The following DPP6 variants were observed in gnomAD, a reference collection of about 807,000 sequenced individuals.
DPP6 encodes the protein A-type potassium channel modulatory protein DPP6.
Under a neutral mutation model 122.6 loss-of-function variants are expected in DPP6, and 69 were observed. The ratio of observed to expected loss-of-function variants is 0.56; its 90% confidence interval spans 0.46 to 0.69. The LOEUF is 0.69. Among genes scored for constraint, DPP6 ranks in the 30% least tolerant of loss-of-function variants. The pLI is 0.00. For missense variants in DPP6, 928 were observed against 1,116.9 expected, an observed-to-expected ratio of 0.83 and a Z score of 2.41; for synonymous variants, 418 against 433.1, an observed-to-expected ratio of 0.97 and a Z score of 0.43.
chr7:154,173,667 G>A (rs571316369), intron 1 of DPP6, among the ~76,000 whole-genome samples: 2 of 152,190 alleles, frequency 1.3e-5, no homozygotes, highest in Admixed American at 6.5e-5. Flanking sequence ...TGCATCTGAG[G>A]GACTCCTCTG....
upstream of DPP6, among the ~76,000 whole-genome samples, chr7:153,884,991 T>A (rs256894): frequency 6.8e-5 from 2 of 29,198 alleles, no homozygotes; most frequent in South Asian, 1.5e-3. Flanking sequence ...AACAAAAATA[T>A]ATATATATAT....
chr7:154,740,215 C>G (rs774360821), intron 8 of DPP6, among the ~76,000 whole-genome samples: 7 of 152,002 alleles, frequency 4.6e-5, no homozygotes, highest in Non-Finnish European at 7.4e-5. Flanking sequence ...AGGACAAACA[C>G]ACTTTTACCT....
intron 5 of DPP6, chr7:154,587,456 C>A: frequency 1.6e-6 from 1 of 636,010 alleles, no homozygotes; most frequent in Non-Finnish European, 2.7e-6. Flanking sequence ...ACACAGCCTG[C>A]AGCTAAGCAT....
intron 1 of DPP6, among the ~76,000 whole-genome samples, chr7:154,376,775 A>G (rs1253543996): frequency 2.0e-5 from 3 of 152,212 alleles, no homozygotes; most frequent in Non-Finnish European, 4.4e-5. Context: ...ATTAAGTCAA[A>G]GAACTTCTGC....
At chr7:154,117,531 G>A (rs1807079539) in intron 1 of DPP6, among the ~76,000 whole-genome samples, 2 of 152,136 alleles carry the variant, frequency 1.3e-5, no homozygotes, top group Non-Finnish European at 2.9e-5. Context: ...ACAATGCGAT[G>A]CAGATTTCTT....
At chr7:154,142,462 C>A (rs1321686278) in intron 1 of DPP6, among the ~76,000 whole-genome samples, 1 of 152,118 alleles carries the variant, frequency 6.6e-6, no homozygotes, top group Non-Finnish European at 1.5e-5. Flanking sequence ...AATGTGAAGA[C>A]AATAAACAAC....
intron 11 of DPP6, among the ~76,000 whole-genome samples, chr7:154,794,995 A>AGATC (rs1797952594): frequency 6.6e-6 from 1 of 152,158 alleles, no homozygotes; most frequent in African/African-American, 2.4e-5. Context: ...GCTGTGCCTG[A>AGATC]GATCCTAAGC....
At chr7:154,017,719 T>TAAAAAAAAAAAA (rs1365239601) in intron 1 of DPP6, among the ~76,000 whole-genome samples, 1 of 83,722 alleles carries the variant, frequency 1.2e-5, no homozygotes, top group Non-Finnish European at 2.4e-5. Flanking sequence ...AAAAAAAAAA[T>TAAAAAAAAAAAA]AAAAAAATAA....
At chr7:154,247,693 T>TGAA in intron 1 of DPP6, among the ~76,000 whole-genome samples, 1 of 152,312 alleles carries the variant, frequency 6.6e-6, no homozygotes, top group East Asian at 1.9e-4. Flanking sequence ...GATAATTGTT[T>TGAA]GAAAGTTTCT....
chr7:154,867,475 C>A (rs1220754068), intron 17 of DPP6, among the ~76,000 whole-genome samples: 1 of 152,228 alleles, frequency 6.6e-6, no homozygotes, highest in Non-Finnish European at 1.5e-5. Flanking sequence ...CAAATACAGT[C>A]ACCGAAGTTA....
chr7:154,304,106 G>GTA (rs1806094278), intron 1 of DPP6, among the ~76,000 whole-genome samples: 1 of 152,192 alleles, frequency 6.6e-6, no homozygotes, highest in Non-Finnish European at 1.5e-5. Flanking sequence ...AGAGTTCCCC[G>GTA]TATATATAAA....
intron 1 of DPP6, among the ~76,000 whole-genome samples, chr7:154,154,745 C>A (rs2150693742): frequency 6.6e-6 from 1 of 152,276 alleles, no homozygotes; most frequent in South Asian, 2.1e-4. Context: ...TATGAGATTT[C>A]TTTTTAAAAG....
chr7:154,570,953 G>A (rs562050852), intron 5 of DPP6, among the ~76,000 whole-genome samples: 168 of 152,200 alleles, frequency 1.1e-3, no homozygotes, highest in African/African-American at 3.8e-3. Context: ...GTATTTATGT[G>A]GCACCAGCAT....
intron 7 of DPP6, among the ~76,000 whole-genome samples, chr7:154,708,783 C>A (rs539537403): frequency 2.6e-5 from 4 of 152,324 alleles, no homozygotes; most frequent in African/African-American, 9.6e-5. Context: ...TGTGGTGGCT[C>A]ATGCCTGTAA....
At chr7:154,506,619 T>C (rs1404848636) in intron 3 of DPP6, among the ~76,000 whole-genome samples, 1 of 152,188 alleles carries the variant, frequency 6.6e-6, no homozygotes, top group African/African-American at 2.4e-5. Context: ...ATTAAGTTCC[T>C]CCAAATAACC....
chr7:154,098,653 C>T (rs949991662), intron 1 of DPP6, among the ~76,000 whole-genome samples: 1 of 151,524 alleles, frequency 6.6e-6, no homozygotes, highest in Non-Finnish European at 1.5e-5. Flanking sequence ...TGATGTGCCC[C>T]ATCTCTTTAT....
the DPP6 span, among the ~76,000 whole-genome samples, chr7:153,823,660 C>T: frequency 6.6e-6 from 1 of 150,680 alleles, no homozygotes; most frequent in Non-Finnish European, 1.5e-5. Flanking sequence ...GAAGAGGACT[C>T]AGGGTGTGAG....
intron 16 of DPP6, among the ~76,000 whole-genome samples, chr7:154,828,929 GC>G (rs1440717805): frequency 1.3e-5 from 2 of 152,088 alleles, no homozygotes; most frequent in African/African-American, 4.8e-5. Context: ...TATTTACAGT[GC>G]CCTGAACATC....
intron 2 of DPP6, among the ~76,000 whole-genome samples, chr7:154,462,416 A>G (rs532673961): frequency 5.0e-4 from 76 of 152,290 alleles, no homozygotes; most frequent in African/African-American, 1.8e-3. Flanking sequence ...CAGTATTTTG[A>G]TAGAGATTTC....
Sources: allele counts gnomAD v4.1 joint callset (sites outside exome capture counted in the v4.1 genomes callset), GRCh38; gene constraint gnomAD v4.1.1; transcripts MANE v1.5; gene names NCBI Gene and HGNC (gene_info 2026-07-23, HGNC 2026-07-21).